The following SS18L1 variants were observed in gnomAD, a reference collection of about 807,000 sequenced individuals.
The protein encoded by SS18L1 is SS18L1 subunit of BAF chromatin remodeling complex.
In SS18L1, 32 loss-of-function variants were observed where a neutral mutation model predicts 70.3. That is an observed-to-expected ratio of 0.46 (90% CI 0.34 to 0.61). SS18L1 has a LOEUF of 0.61. Among genes scored for constraint, SS18L1 ranks in the 20% least tolerant of loss-of-function variants. The pLI, the probability that SS18L1 is intolerant of heterozygous loss-of-function variation, is 0.01. For synonymous variants in SS18L1, 237 were observed against 229.7 expected, an observed-to-expected ratio of 1.03 and a Z score of -0.29; for missense variants, 430 against 542.1, an observed-to-expected ratio of 0.79 and a Z score of 2.05.
rs1289188868 is a variant in SS18L1 at position 62,181,263 on chromosome 20, G to C, written c.*2055G>C. The C allele has an allele frequency of 4.3e-5, 9 of 208,260 alleles. No individual in the cohort carries two copies. In the East Asian group the frequency reaches 6.6e-4, roughly 15 times the overall value. The allele number at this position is 208,260 out of a possible 1,614,324, so 12.9% of individuals were successfully genotyped here. A position where few individuals can be genotyped will look rare whatever the true frequency, so the allele number is the denominator to read the frequency against. ...TGTTCATATTCGATCACCGAAATGA[G>C]AGTTCTTAATTGCTAATTGACAAAC... On this transcript the variant is annotated 3_prime_UTR_variant, in exon 11 of 11. Transcript: ENST00000331758.
At chr20:62,172,566 C>A in intron 8 of SS18L1, 116 bp from the exon 9 acceptor site, 1 of 1,470,276 alleles carries the variant, frequency 6.8e-7, no homozygotes, top group Non-Finnish European at 9.4e-7. Context: ...ATAAACATGC[C>A]GAAGCAATGG....
Position 62,161,346 on chromosome 20 carries a change from C to T in SS18L1, c.232-90C>T, listed in dbSNP as rs2057326015. On this transcript the variant is annotated intron_variant, in intron 3 of 10. Transcript: ENST00000331758. This position sits in a 1 kb window ranked among gnomAD's most constrained non-coding sequence, Gnocchi z 4.4. ...GTGGCCATGATGTGTGGCGGCAAAT[C>T]TCGGGTGCCCTCTCATCCCTGGCCT... 1.9e-6 allele frequency: 3 copies of T among 1,590,688 alleles called. No individual in the cohort carries two copies. The highest frequency in any genetic ancestry group is 1.3e-5 in the African/African-American group (1 of 74,356).
chr20:62,173,978 C>T (rs2057575892), intron 9 of SS18L1, among the ~76,000 whole-genome samples: 1 of 151,562 alleles, frequency 6.6e-6, no homozygotes, highest in South Asian at 2.1e-4. Context: ...CACGCCACTG[C>T]ACTCCAGCCT....
chr20:62,175,626 G>C (rs6062118), intron 10 of SS18L1, among the ~76,000 whole-genome samples: 39,702 of 152,130 alleles, frequency 0.26, 9,634 homozygotes, highest in African/African-American at 0.65. Flanking sequence ...TGACTCTGAG[G>C]TGGCTGGAGG....
intron 7 of SS18L1, 128 bp from the exon 8 acceptor site, chr20:62,165,294 C>A: frequency 2.4e-6 from 2 of 850,908 alleles, no homozygotes; most frequent in Non-Finnish European, 1.8e-6. Flanking sequence ...TTGGGGAACA[C>A]GGGTCCTGCC....
In SS18L1 at chr20:62,174,444, A is replaced by T. The variant is rs6062115; in HGVS notation, c.1037-73A>T. On this transcript the variant is annotated intron_variant, in intron 9 of 10. Transcript: ENST00000331758. The surrounding 1 kb of genome is among the most constrained non-coding windows in gnomAD (Gnocchi z 4.1). ...AGGAGAAGAGGAAGTTTTAAAAAAAATTTTTAAGTTAAGAAAAAAAAAGAA... is the reference window on the plus strand; with the variant it reads ...AGGAGAAGAGGAAGTTTTAAAAAAATTTTTTAAGTTAAGAAAAAAAAAGAA... 0.13 allele frequency: 203,223 copies of T among 1,539,152 alleles called. 24,949 individuals carry two copies. Among genetic ancestry groups the T allele is most frequent in the African/African-American group, 0.65 (46,315 of 71,054 alleles).
At chr20:62,162,707 C>T (rs531994070) in intron 4 of SS18L1, 45 bp from the exon 5 acceptor site, 23 of 1,562,736 alleles carry the variant, frequency 1.5e-5, no homozygotes, top group South Asian at 2.3e-5. Flanking sequence ...GAAGTGGTGA[C>T]CTGGCTCCCC....
intron 9 of SS18L1, 72 bp downstream of exon 9, chr20:62,172,873 C>T (rs2057557497): frequency 1.0e-5 from 16 of 1,579,856 alleles, no homozygotes; most frequent in Non-Finnish European, 1.2e-5. Context: ...GGTACGTGCT[C>T]AGTACCCCAG....
rs1415440539 is a variant in SS18L1 at position 62,158,801 on chromosome 20, G to A, written c.146+53G>A. The A allele has an allele frequency of 3.7e-6, 6 of 1,612,644 alleles. No individual in the cohort carries two copies. Among genetic ancestry groups the A allele is most frequent in the Non-Finnish European group, 5.1e-6 (6 of 1,179,866 alleles). On this transcript the variant is annotated intron_variant, in intron 2 of 10. Coordinates refer to ENST00000331758, the MANE Select transcript of SS18L1 (RefSeq NM_198935.3). The surrounding 1 kb of genome is among the most constrained non-coding windows in gnomAD (Gnocchi z 4.5). ...TTGGAGGGTGTCATGCAGAGTCTAA[G>A]CACAGAGGCCAGATACGTCCCAAGA...
chr20:62,151,589 G>A (rs940132003), intron 1 of SS18L1, among the ~76,000 whole-genome samples: 1 of 152,180 alleles, frequency 6.6e-6, no homozygotes, highest in Non-Finnish European at 1.5e-5. Context: ...GCCCAGCCAA[G>A]CCCAGCAGAA....
chr20:62,167,127 C>T (rs1330326067), intron 8 of SS18L1, among the ~76,000 whole-genome samples: 1 of 144,976 alleles, frequency 6.9e-6, no homozygotes, highest in Admixed American at 6.9e-5. Flanking sequence ...CTCACTGCCA[C>T]CTCCGCCTCC....
intron 4 of SS18L1, among the ~76,000 whole-genome samples, chr20:62,162,307 C>CTT (rs200117060): frequency 7.4e-5 from 11 of 148,792 alleles, no homozygotes; most frequent in African/African-American, 2.5e-4. Flanking sequence ...GTTTTCTTTT[C>CTT]TTTTTTTTTT....
At chr20:62,175,258 A>T (rs1199734797) in intron 10 of SS18L1, 1 of 985,212 alleles carries the variant, frequency 1.0e-6, no homozygotes, top group African/African-American at 1.7e-5. Context: ...AAGATGGAAG[A>T]GCGGGAGCTC....
At chr20:62,163,063 C>G in intron 5 of SS18L1, 132 bp downstream of exon 5, 1 of 1,227,376 alleles carries the variant, frequency 8.1e-7, no homozygotes, top group Non-Finnish European at 1.1e-6. Context: ...GCCCGTGAAT[C>G]GGGGCTGGCC....
At chr20:62,168,147 G>A (rs1427087572) in intron 8 of SS18L1, among the ~76,000 whole-genome samples, 5 of 152,084 alleles carry the variant, frequency 3.3e-5, no homozygotes, top group Admixed American at 1.3e-4. Flanking sequence ...GTAGCTTGTT[G>A]TGGGTTAGGT....
chr20:62,144,270 G>C (rs1204052581), intron 1 of SS18L1, among the ~76,000 whole-genome samples: 3 of 152,064 alleles, frequency 2.0e-5, no homozygotes, highest in Admixed American at 6.6e-5. Flanking sequence ...GACCCCTCGG[G>C]GCCGGAGCCG....
chr20:62,173,655 C>T (rs1403959726), intron 9 of SS18L1, among the ~76,000 whole-genome samples: 1 of 151,798 alleles, frequency 6.6e-6, no homozygotes, highest in Non-Finnish European at 1.5e-5. Context: ...TCGCAGTGAG[C>T]CGAGATCACA....
At chr20:62,156,128 A>C (rs938355984) in intron 1 of SS18L1, among the ~76,000 whole-genome samples, 1 of 152,132 alleles carries the variant, frequency 6.6e-6, no homozygotes, top group Non-Finnish European at 1.5e-5. Context: ...GCTCTGCCTA[A>C]TGAAGTCAGT....
intron 6 of SS18L1, among the ~76,000 whole-genome samples, 170 bp from the exon 7 acceptor site, chr20:62,163,975 A>G (rs530937191): frequency 2.0e-5 from 3 of 152,240 alleles, no homozygotes; most frequent in African/African-American, 7.2e-5. Context: ...AACATGGTGA[A>G]ACTCTGTACT....
Sources: gnomAD v4.1 joint callset for allele counts (sites outside exome capture counted in the v4.1 genomes callset) on GRCh38, gnomAD v4.1.1 for gene constraint, Gnocchi (gnomAD v3.1) non-coding constraint, MANE v1.5 for transcripts, NCBI Gene and HGNC (gene_info 2026-07-23, HGNC 2026-07-21) for gene names.